Variants in CAMTA1 observed in about 807,000 individuals in gnomAD.
CAMTA1 encodes calmodulin-binding transcription activator 1.
In CAMTA1, 27 loss-of-function variants were observed where a neutral mutation model predicts 170.9. The observed-to-expected ratio is 0.16, with a 90% CI of 0.12 to 0.22. The LOEUF is 0.22. CAMTA1 is among the 10% of genes least tolerant of loss of function. The pLI is 1.00. For synonymous variants in CAMTA1, 833 were observed against 891.5 expected (o/e 0.93, Z 1.17); for missense variants, 1,619 against 2,217.2 (o/e 0.73, Z 5.42).
intron 6 of CAMTA1, among the ~76,000 whole-genome samples, chr1:7,516,215 A>G (rs1478031177): frequency 6.6e-6 from 1 of 152,274 alleles, no homozygotes; most frequent in Non-Finnish European, 1.5e-5. Flanking sequence ...ACACTTGCTC[A>G]AATTAATGAC....
chr1:7,266,561 C>T (rs12043571), intron 5 of CAMTA1, among the ~76,000 whole-genome samples: 88,066 of 152,096 alleles, frequency 0.58, 26,303 homozygotes, highest in Non-Finnish European at 0.66. Context: ...TTCACCCTCT[C>T]GAAGCTCCCA....
intron 4 of CAMTA1, among the ~76,000 whole-genome samples, chr1:7,194,087 A>G (rs1387527148): frequency 6.6e-6 from 1 of 152,254 alleles, no homozygotes; most frequent in African/African-American, 2.4e-5. Context: ...TAAAGGATGC[A>G]TATTAAAAGA....
intron 7 of CAMTA1, among the ~76,000 whole-genome samples, chr1:7,651,268 C>T (rs960904003): frequency 2.0e-5 from 3 of 152,138 alleles, no homozygotes; most frequent in East Asian, 1.9e-4. Flanking sequence ...GAGGACAGGG[C>T]CCCCCACAGC....
At chr1:7,366,763 G>A (rs1029109157) in intron 5 of CAMTA1, among the ~76,000 whole-genome samples, 2 of 152,246 alleles carry the variant, frequency 1.3e-5, no homozygotes, top group African/African-American at 2.4e-5. Flanking sequence ...GCGTTGACAG[G>A]AGACTGCAGG....
chr1:7,475,524 C>A (rs2093406670), intron 6 of CAMTA1, among the ~76,000 whole-genome samples: 1 of 152,232 alleles, frequency 6.6e-6, no homozygotes, highest in Non-Finnish European at 1.5e-5. Flanking sequence ...GCGCACCATC[C>A]CGCAGCCCAG....
At chr1:7,667,244 A>G (rs1371356566) in intron 9 of CAMTA1, among the ~76,000 whole-genome samples, 1 of 151,762 alleles carries the variant, frequency 6.6e-6, no homozygotes, top group Admixed American at 6.6e-5. Flanking sequence ...CGGAGTGCCC[A>G]CCACACCCCC....
chr1:7,555,479 A>G (rs1228516711), intron 6 of CAMTA1, among the ~76,000 whole-genome samples: 1 of 151,740 alleles, frequency 6.6e-6, no homozygotes, highest in Non-Finnish European at 1.5e-5. Context: ...CTCTCCTGAG[A>G]CCCAGAGCTG....
intron 4 of CAMTA1, among the ~76,000 whole-genome samples, chr1:7,139,358 A>T (rs1645759444): frequency 6.8e-6 from 1 of 146,684 alleles, no homozygotes; most frequent in African/African-American, 2.5e-5. Context: ...TAAATATTTT[A>T]TATATAGATA....
At chr1:6,988,206 G>A (rs1695680442) in intron 3 of CAMTA1, among the ~76,000 whole-genome samples, 1 of 152,142 alleles carries the variant, frequency 6.6e-6, no homozygotes, top group Non-Finnish European at 1.5e-5. Flanking sequence ...GGGAGGTGGT[G>A]CGGGTGCGCT....
intron 3 of CAMTA1, among the ~76,000 whole-genome samples, chr1:7,088,660 A>C (rs970160124): frequency 3.3e-5 from 5 of 152,174 alleles, no homozygotes; most frequent in African/African-American, 1.2e-4. Flanking sequence ...TTGGATGTCC[A>C]GGGTTTTGGA....
chr1:7,621,097 G>GA (rs2095595234), intron 6 of CAMTA1, among the ~76,000 whole-genome samples: 1 of 152,218 alleles, frequency 6.6e-6, no homozygotes. Context: ...CAACAGTGGA[G>GA]AAAAGGCCAG....
chr1:7,266,298 G>A (rs1430170565), intron 5 of CAMTA1, among the ~76,000 whole-genome samples: 2 of 152,218 alleles, frequency 1.3e-5, no homozygotes, highest in African/African-American at 2.4e-5. Context: ...TGTGTTCAGA[G>A]TGTGATCTGA....
At chr1:7,199,556 G>A (rs1156325867) in intron 4 of CAMTA1, among the ~76,000 whole-genome samples, 1 of 152,142 alleles carries the variant, frequency 6.6e-6, no homozygotes, top group Non-Finnish European at 1.5e-5. Flanking sequence ...AGCACCAGCC[G>A]CCGCCTGGAA....
intron 5 of CAMTA1, among the ~76,000 whole-genome samples, chr1:7,263,109 A>G (rs969773961): frequency 2.0e-5 from 3 of 152,116 alleles, no homozygotes; most frequent in African/African-American, 7.2e-5. Context: ...CCCTTTCATA[A>G]CACCTGGCAA....
intron 6 of CAMTA1, among the ~76,000 whole-genome samples, chr1:7,490,289 A>G (rs1575586140): frequency 6.6e-6 from 1 of 152,214 alleles, no homozygotes; most frequent in East Asian, 1.9e-4. Flanking sequence ...ATGTGCGGTC[A>G]CTGCCGCGGG....
chr1:7,102,012 CATAA>C (rs2148253481), intron 4 of CAMTA1, among the ~76,000 whole-genome samples: 1 of 149,152 alleles, frequency 6.7e-6, no homozygotes, highest in East Asian at 2.0e-4. Flanking sequence ...TACACACATG[CATAA>C]ATACACAACA....
At chr1:7,481,848 T>C (rs979942303) in intron 6 of CAMTA1, among the ~76,000 whole-genome samples, 1 of 150,864 alleles carries the variant, frequency 6.6e-6, no homozygotes, top group East Asian at 1.9e-4. Flanking sequence ...TGTGAAACAA[T>C]TGAATGCATA....
At chr1:7,104,124 CACAT>C (rs755477803) in intron 4 of CAMTA1, among the ~76,000 whole-genome samples, 3 of 55,302 alleles carry the variant, frequency 5.4e-5, no homozygotes, top group Admixed American at 1.6e-4. Context: ...ACACACAACA[CACAT>C]AACTACACAC....
At chr1:7,449,950 G>A (rs574845767) in intron 5 of CAMTA1, among the ~76,000 whole-genome samples, 1 of 152,146 alleles carries the variant, frequency 6.6e-6, no homozygotes, top group Non-Finnish European at 1.5e-5. Context: ...ACCACCAGGT[G>A]GCTTGGGGGT....
Sources: gnomAD v4.1 joint callset for allele counts (sites outside exome capture counted in the v4.1 genomes callset) on GRCh38, gnomAD v4.1.1 for gene constraint, MANE v1.5 for transcripts, NCBI Gene and HGNC (gene_info 2026-07-23, HGNC 2026-07-21) for gene names.